The following KAT6B variants were observed in gnomAD, a reference collection of about 807,000 sequenced individuals.
KAT6B encodes histone acetyltransferase KAT6B.
In KAT6B, 10 loss-of-function variants were observed where a neutral mutation model predicts 187.5. That is an observed-to-expected ratio of 0.05 (90% confidence interval 0.03 to 0.09). KAT6B has a LOEUF of 0.09. Ranked by LOEUF, KAT6B falls within the 10% of genes least tolerant of loss-of-function variation. The pLI, the probability that KAT6B is intolerant of heterozygous loss-of-function variation, is 1.00. For synonymous variants in KAT6B, 861 were observed against 926.8 expected (o/e 0.93, Z 1.29); for missense variants, 1,952 against 2,558.9 (o/e 0.76, Z 5.12).
At chr10:74,967,329 C>CAAA (rs143829532) in intron 4 of KAT6B, among the ~76,000 whole-genome samples, 1 of 113,386 alleles carries the variant, frequency 8.8e-6, no homozygotes. Context: ...GACTCCGTCT[C>CAAA]AAAAAAAAAA....
chr10:74,906,752 GGC>G (rs1489292158), intron 3 of KAT6B, among the ~76,000 whole-genome samples: 1 of 152,114 alleles, frequency 6.6e-6, no homozygotes, highest in East Asian at 1.9e-4. Flanking sequence ...TTACAGTCTT[GGC>G]TTCAGTCCAC....
chr10:74,916,609 G>A (rs771402260), intron 3 of KAT6B, among the ~76,000 whole-genome samples: 1 of 152,168 alleles, frequency 6.6e-6, no homozygotes, highest in Non-Finnish European at 1.5e-5. Flanking sequence ...ACGGGCCATA[G>A]ACATATTTGT....
chr10:74,851,823 G>A lies in KAT6B; in HGVS notation c.621+8345G>A, dbSNP rs79107284. On this transcript the variant is annotated intron_variant, in intron 3 of 17. Transcript: ENST00000287239. ...ATATTTCTACAAATAGAAGATAAAT[G>A]TACATCCTACAGCAGTTGCTTGAGT... 1.2e-3 allele frequency among the ~76,000 whole-genome samples: 190 copies of A among 152,308 alleles called. 1 individual carries two copies. Among genetic ancestry groups the A allele is most frequent in the African/African-American group, 4.3e-3 (179 of 41,574 alleles).
rs974085793 is a variant in KAT6B, at chr10:74,894,334, G to A, written c.621+50856G>A. On this transcript the variant is annotated intron_variant, in intron 3 of 17. Transcript: ENST00000287239. The stretch of plus-strand genomic sequence containing the variant: ...TGACCTCAAGTGATCCACCCACCTC[G>A]GCCTCCCCAAGTGCTAGGATTATAG... Among the ~76,000 whole-genome samples, 10 of 151,982 alleles carry A rather than the reference G, an allele frequency of 6.6e-5. No homozygotes were observed. In the East Asian group the frequency reaches 9.6e-4, roughly 15 times the overall value.
At chr10:75,002,528 TCA>T (rs1394652095) in intron 13 of KAT6B, among the ~76,000 whole-genome samples, 3 of 152,168 alleles carry the variant, frequency 2.0e-5, no homozygotes, top group Non-Finnish European at 4.4e-5. Context: ...CGTGTGAACA[TCA>T]TAGTGTATGT....
intron 9 of KAT6B, 50 bp from the exon 10 acceptor site, chr10:74,979,174 T>TGTAAGTGAA: frequency 1.5e-6 from 2 of 1,330,554 alleles, no homozygotes; most frequent in South Asian, 1.2e-5. Flanking sequence ...AGAACCAAAA[T>TGTAAGTGAA]GTAAGTGAAG....
chr10:75,000,889 C>T (rs1300555875), intron 13 of KAT6B, among the ~76,000 whole-genome samples: 8 of 152,008 alleles, frequency 5.3e-5, no homozygotes, highest in Non-Finnish European at 1.2e-4. Context: ...TTGTGAGGTC[C>T]GTGTGCTATT....
chr10:74,938,588 T>C (rs1466029735), intron 3 of KAT6B, among the ~76,000 whole-genome samples: 1 of 152,226 alleles, frequency 6.6e-6, no homozygotes, highest in Non-Finnish European at 1.5e-5. Context: ...TTTAGATTAT[T>C]CTTTGTTGTG....
At chr10:74,855,733 A>G (rs991720111) in intron 3 of KAT6B, among the ~76,000 whole-genome samples, 4 of 152,228 alleles carry the variant, frequency 2.6e-5, no homozygotes, top group African/African-American at 7.2e-5. Context: ...TTTATAATTT[A>G]TAAAATTAGA....
chr10:74,988,538 A>G (rs1369985800), intron 12 of KAT6B, among the ~76,000 whole-genome samples: 1 of 152,196 alleles, frequency 6.6e-6, no homozygotes. Context: ...ATCTACCCAC[A>G]CAGATACTGT....
At chr10:75,019,701 T>G (rs190147018) in intron 13 of KAT6B, among the ~76,000 whole-genome samples, 1 of 152,250 alleles carries the variant, frequency 6.6e-6, no homozygotes, top group Admixed American at 6.5e-5. Flanking sequence ...AAGTGGCTCT[T>G]AATTACTGAG....
intron 3 of KAT6B, among the ~76,000 whole-genome samples, chr10:74,883,559 GA>G (rs1241340513): frequency 2.0e-5 from 3 of 152,036 alleles, no homozygotes; most frequent in Admixed American, 6.6e-5. Context: ...AGATCCAGCA[GA>G]AAAAAATTAT....
chr10:75,027,592 T>C (rs1164999998), intron 17 of KAT6B, among the ~76,000 whole-genome samples: 3 of 151,710 alleles, frequency 2.0e-5, no homozygotes, highest in African/African-American at 4.8e-5. Flanking sequence ...TTAATATATA[T>C]TTATTAATAT....
At chr10:75,008,173 A>G (rs1386830089) in intron 13 of KAT6B, among the ~76,000 whole-genome samples, 1 of 152,232 alleles carries the variant, frequency 6.6e-6, no homozygotes, top group Non-Finnish European at 1.5e-5. Context: ...AGGATGGAGT[A>G]CAGAGAAAAT....
At chr10:74,981,034 A>G (rs1317513079) in intron 10 of KAT6B, among the ~76,000 whole-genome samples, 3 of 152,250 alleles carry the variant, frequency 2.0e-5, no homozygotes, top group African/African-American at 7.2e-5. Flanking sequence ...TATTATATCT[A>G]TACCACTAAC....
At chr10:74,856,318 A>G (rs1842823158) in intron 3 of KAT6B, among the ~76,000 whole-genome samples, 1 of 152,098 alleles carries the variant, frequency 6.6e-6, no homozygotes, top group South Asian at 2.1e-4. Context: ...AACTCCTGAC[A>G]TCAGGTGATC....
At chr10:74,845,457 C>T (rs1842027267) in intron 3 of KAT6B, among the ~76,000 whole-genome samples, 1 of 138,216 alleles carries the variant, frequency 7.2e-6, no homozygotes, top group South Asian at 2.3e-4. Context: ...GGGAGGCAGA[C>T]GTTGCAGTGA....
At position 74,935,270 on chromosome 10, in the gene KAT6B, C is replaced by T. The variant is rs779142837; in HGVS notation, c.622-24700C>T. On this transcript the variant is annotated intron_variant, in intron 3 of 17. Transcript: ENST00000287239. The stretch of plus-strand genomic sequence containing the variant: ...TATTATACATATGTACATACATTTA[C>T]ATACACACACATATATATATATACA... Among the ~76,000 whole-genome samples, 83 of 19,318 alleles carry T rather than the reference C, an allele frequency of 4.3e-3. 1 individual carries two copies. The highest frequency in any genetic ancestry group is 8.4e-4 in the Non-Finnish European group (8 of 9,480). The allele number at this position is 19,318 out of a possible 152,430, so 12.7% of individuals were successfully genotyped here. A position where few individuals can be genotyped will look rare whatever the true frequency, so the allele number is the denominator to read the frequency against.
At chr10:74,916,837 C>CG (rs1847724425) in intron 3 of KAT6B, among the ~76,000 whole-genome samples, 2 of 152,200 alleles carry the variant, frequency 1.3e-5, no homozygotes, top group African/African-American at 4.8e-5. Context: ...CACGGTGGCT[C>CG]ATGCCTGTCA....
Sources: allele counts gnomAD v4.1 joint callset (sites outside exome capture counted in the v4.1 genomes callset), GRCh38; gene constraint gnomAD v4.1.1; transcripts MANE v1.5; gene names NCBI Gene and HGNC (gene_info 2026-07-23, HGNC 2026-07-21).